MATN2: variants seen among roughly 807,000 people sequenced by gnomAD.
The protein encoded by MATN2 is matrilin-2.
MATN2 carries 69 observed loss-of-function variants against 103.2 expected under a neutral mutation model. The ratio of observed to expected loss-of-function variants is 0.67; its 90% CI spans 0.55 to 0.82. The LOEUF is 0.82. MATN2 is among the 40% of genes least tolerant of loss of function. The probability of loss-of-function intolerance (pLI) is 0.00; values close to 1 mark genes in which losing one functional copy is unlikely to be tolerated. For missense variants in MATN2, 1,023 were observed against 1,211.5 expected, an observed-to-expected ratio of 0.84 and a Z score of 2.31; for synonymous variants, 429 against 450.2, an observed-to-expected ratio of 0.95 and a Z score of 0.60.
At chr8:97,938,446 T>G (rs1479512839) in intron 3 of MATN2, among the ~76,000 whole-genome samples, 1 of 152,218 alleles carries the variant, frequency 6.6e-6, no homozygotes, top group East Asian at 1.9e-4. Flanking sequence ...AGGCCATATC[T>G]GTTTAAAGTG....
At chr8:98,033,754 C>T (rs1231270579) in intron 18 of MATN2, 95 bp downstream of exon 18, 5 of 828,296 alleles carry the variant, frequency 6.0e-6, no homozygotes, top group Admixed American at 4.9e-5. Context: ...TGAAGTAAAT[C>T]CCACGAAGTC....
intron 3 of MATN2, among the ~76,000 whole-genome samples, chr8:97,933,155 G>T (rs1810255026): frequency 6.6e-6 from 1 of 152,060 alleles, no homozygotes; most frequent in African/African-American, 2.4e-5. Context: ...ATGCCATGAA[G>T]AAAAAAAGAA....
At position 97,941,808 on chromosome 8, in the gene MATN2, C is replaced by G. The variant is rs1293038247; in HGVS notation, c.744C>G (p.Asn248Lys). ...TAHMCSTLEH[N>K]CAHFCINIPG... is the part of the protein sequence containing the mutation. Reference sequence around the variant, plus strand: ...ATATGTGCAGCACCCTGGAGCATAACTGTGCCCACTTCTGCATCAACATCC... The same window carrying G: ...ATATGTGCAGCACCCTGGAGCATAAGTGTGCCCACTTCTGCATCAACATCC... The change falls in exon 4 of 19, where the codon AAC (asparagine) becomes AAG (lysine). Residue 248 changes from asparagine (N) to lysine (K), a missense_variant. Physicochemically the swap from Asn to Lys is moderately conservative, Grantham distance 94 (BLOSUM62 0). Transcript: ENST00000254898. 2.5e-6 allele frequency: 4 copies of G among 1,609,388 alleles called. No homozygotes were observed. The highest frequency in any genetic ancestry group is 3.4e-6 in the Non-Finnish European group (4 of 1,177,906).
intron 2 of MATN2, among the ~76,000 whole-genome samples, chr8:97,894,265 T>G (rs1352185846): frequency 1.3e-5 from 2 of 151,812 alleles, no homozygotes; most frequent in Non-Finnish European, 2.9e-5. Flanking sequence ...TTAGTAAAAT[T>G]TACTCATAAC....
At chr8:97,892,913 G>A (rs544285625) in intron 2 of MATN2, among the ~76,000 whole-genome samples, 1 of 152,298 alleles carries the variant, frequency 6.6e-6, no homozygotes, top group East Asian at 1.9e-4. Flanking sequence ...CTGTGGGACA[G>A]CAGGTGGCAG....
At chr8:97,887,911 CG>C in intron 1 of MATN2, 163 bp from the exon 2 acceptor site, 1 of 571,442 alleles carries the variant, frequency 1.7e-6, no homozygotes, top group Non-Finnish European at 2.9e-6. Flanking sequence ...AGCCTACCAA[CG>C]GGGGCTACTT....
intron 4 of MATN2, among the ~76,000 whole-genome samples, chr8:97,946,742 CA>C (rs2130201864): frequency 6.6e-6 from 1 of 152,134 alleles, no homozygotes; most frequent in South Asian, 2.1e-4. Flanking sequence ...CTTTCTTATC[CA>C]GCTTAAATTT....
At chr8:97,878,080 A>G (rs1202905303) in intron 1 of MATN2, among the ~76,000 whole-genome samples, 6 of 152,258 alleles carry the variant, frequency 3.9e-5, no homozygotes, top group African/African-American at 1.4e-4. Context: ...GGAAAAAAAA[A>G]GTTATGGAAC....
chr8:98,027,337 T>A, intron 13 of MATN2, 79 bp from the exon 14 acceptor site: 1 of 1,321,398 alleles, frequency 7.6e-7, no homozygotes, highest in Non-Finnish European at 1.0e-6. Flanking sequence ...ATGCCTCCAA[T>A]TGAAGCATCA....
rs767425421 is a variant in MATN2 at position 97,994,153 on chromosome 8, GAAAGA to G, written c.1082-316_1082-312del. 4.5e-3 allele frequency among the ~76,000 whole-genome samples: 600 copies of G among 134,386 alleles called. 1 individual carries two copies. Among genetic ancestry groups the G allele is most frequent in the Non-Finnish European group, 6.9e-3 (444 of 64,576 alleles). The allele number at this position is 134,386 out of a possible 152,430, so 88.2% of individuals were successfully genotyped here. On this transcript the variant is annotated intron_variant, in intron 6 of 18. Transcript: ENST00000254898. ...GAGAGAGAGGAAGGAAGGAAAGAAA[GAAAGA>G]AAAGAAAAGAGGGAAAGAAGAGGAG...
intron 1 of MATN2, among the ~76,000 whole-genome samples, chr8:97,883,683 G>A (rs185093982): frequency 6.6e-6 from 1 of 151,858 alleles, no homozygotes; most frequent in Admixed American, 6.6e-5. Context: ...CTCCTGAGTA[G>A]CTGGGGGACT....
chr8:97,886,324 C>T (rs189739015), intron 1 of MATN2, among the ~76,000 whole-genome samples: 27 of 152,114 alleles, frequency 1.8e-4, no homozygotes, highest in Non-Finnish European at 3.4e-4. Flanking sequence ...TTGAATCATC[C>T]CAAAACCACC....
At chr8:97,879,295 C>G (rs780654396) in intron 1 of MATN2, among the ~76,000 whole-genome samples, 1 of 152,144 alleles carries the variant, frequency 6.6e-6, no homozygotes, top group African/African-American at 2.4e-5. Context: ...GGAGGCGCCC[C>G]GCTATGACAA....
At chr8:98,018,301 C>G (rs1813445274) in intron 12 of MATN2, among the ~76,000 whole-genome samples, 185 bp downstream of exon 12, 1 of 152,150 alleles carries the variant, frequency 6.6e-6, no homozygotes, top group Non-Finnish European at 1.5e-5. Context: ...GGGAATTTCT[C>G]AGTCAAGGCC....
intron 4 of MATN2, among the ~76,000 whole-genome samples, chr8:97,957,442 A>C (rs1417806967): frequency 6.6e-6 from 1 of 152,242 alleles, no homozygotes; most frequent in Non-Finnish European, 1.5e-5. Context: ...TTGTTTAATT[A>C]GATTAATCCC....
chr8:98,011,888 A>C (rs1184733836), intron 10 of MATN2, among the ~76,000 whole-genome samples: 1 of 152,216 alleles, frequency 6.6e-6, no homozygotes, highest in Non-Finnish European at 1.5e-5. Flanking sequence ...GCTGCTAGAC[A>C]GGGACCCTAA....
At chr8:97,905,360 T>G (rs897866824) in intron 2 of MATN2, among the ~76,000 whole-genome samples, 5 of 152,224 alleles carry the variant, frequency 3.3e-5, no homozygotes, top group Non-Finnish European at 5.9e-5. Context: ...ATAGAAACTC[T>G]GTAAATAATG....
Position 98,034,405 on chromosome 8 carries a change from G to A in MATN2, c.2815+746G>A, listed in dbSNP as rs73701227. The A allele has an allele frequency of 9.3e-3, 2,892 of 312,514 alleles. 79 individuals carry two copies. The highest frequency in any genetic ancestry group is 0.057 in the African/African-American group (2,663 of 46,460). The allele number at this position is 312,514 out of a possible 1,614,324, so 19.4% of individuals were successfully genotyped here. ...TCAAGTGCATCAACTAGTCTATAGG[G>A]AAATGGCTTAATTCTGAACTATCTC... On this transcript the variant is annotated intron_variant, in intron 18 of 18. Transcript: ENST00000254898.
At chr8:97,875,353 C>G (rs926039826) in intron 1 of MATN2, among the ~76,000 whole-genome samples, 3 of 152,202 alleles carry the variant, frequency 2.0e-5, no homozygotes, top group Admixed American at 6.5e-5. Flanking sequence ...CTCTCAGTCC[C>G]TCTGTTGGTG....
Sources: allele counts gnomAD v4.1 joint callset (sites outside exome capture counted in the v4.1 genomes callset), GRCh38; gene constraint gnomAD v4.1.1; transcripts MANE v1.5; gene names NCBI Gene and HGNC (gene_info 2026-07-23, HGNC 2026-07-21).